The following SNX25 variants were observed in gnomAD, a reference collection of about 807,000 sequenced individuals.
SNX25 encodes the protein sorting nexin 25.
A neutral mutation model predicts 113.7 loss-of-function variants in SNX25; 62 were observed. The observed-to-expected ratio is 0.55, with a 90% confidence interval of 0.44 to 0.67. The LOEUF is 0.67. SNX25 is among the 30% of genes least tolerant of loss of function. The pLI is 0.00. For missense variants in SNX25, 1,014 were observed against 1,161.0 expected, an observed-to-expected ratio of 0.87 and a Z score of 1.84; for synonymous variants, 421 against 436.2, an observed-to-expected ratio of 0.97 and a Z score of 0.43.
At chr4:185,350,861 CAAAA>C (rs955112681) in intron 13 of SNX25, among the ~76,000 whole-genome samples, 5 of 150,838 alleles carry the variant, frequency 3.3e-5, no homozygotes, top group African/African-American at 1.2e-4. Flanking sequence ...GACTCCGTCT[CAAAA>C]AAAAAGAAAA....
At chr4:185,240,790 C>T (rs181874632) in intron 1 of SNX25, among the ~76,000 whole-genome samples, 1,855 of 151,082 alleles carry the variant, frequency 0.012, 53 homozygotes, top group East Asian at 0.11. Flanking sequence ...AGGGGCTCCT[C>T]ACTTCTCAGA....
intron 1 of SNX25, among the ~76,000 whole-genome samples, chr4:185,240,836 T>C (rs1171806378): frequency 7.7e-6 from 1 of 129,652 alleles, no homozygotes; most frequent in African/African-American, 3.0e-5. Flanking sequence ...TCCTCACTTC[T>C]CAGACGGGGC....
chr4:185,309,445 C>T (rs371710491), intron 6 of SNX25, among the ~76,000 whole-genome samples: 4 of 152,178 alleles, frequency 2.6e-5, no homozygotes, highest in Non-Finnish European at 2.9e-5. Context: ...ACATTGCAGC[C>T]GTTTTTGGAA....
rs562123355 is a variant in SNX25 at position 185,279,662 on chromosome 4, G to A, written c.1092-8350G>A. Among the ~76,000 whole-genome samples the A allele has an allele frequency of 3.3e-5, 5 of 152,252 alleles. No individual in the cohort carries two copies. The South Asian group carries it at 8.3e-4, about 25-fold the overall frequency. ...TTTTTTCTTTGCTCATAATATTGGT[G>A]AAGATTAAAAATTTGTTAACTAGCA... On this transcript the variant is annotated intron_variant, in intron 5 of 18. Coordinates refer to ENST00000652585, the MANE Select transcript of SNX25 (RefSeq NM_001378034.2).
chr4:185,351,968 G>T (rs929861885), intron 14 of SNX25, among the ~76,000 whole-genome samples: 1 of 152,144 alleles, frequency 6.6e-6, no homozygotes, highest in Admixed American at 6.5e-5. Flanking sequence ...GGAACAGGCC[G>T]GAGGTCGTTG....
At chr4:185,257,941 T>C (rs1746693077) in intron 2 of SNX25, among the ~76,000 whole-genome samples, 2 of 152,212 alleles carry the variant, frequency 1.3e-5, no homozygotes. Context: ...GAAACCACAC[T>C]GTAATTGAAC....
At chr4:185,261,431 C>A (rs1747329792) in intron 3 of SNX25, among the ~76,000 whole-genome samples, 1 of 152,122 alleles carries the variant, frequency 6.6e-6, no homozygotes, top group Non-Finnish European at 1.5e-5. Flanking sequence ...CCTGCCTCAG[C>A]CTGCCAAGGT....
chr4:185,284,387 G>C (rs964310480), intron 5 of SNX25, among the ~76,000 whole-genome samples: 3 of 152,164 alleles, frequency 2.0e-5, no homozygotes, highest in African/African-American at 7.2e-5. Flanking sequence ...AGTCATTCAG[G>C]ATTTCAGAGA....
chr4:185,349,305 A>G (rs1430323527), intron 13 of SNX25, among the ~76,000 whole-genome samples: 1 of 152,214 alleles, frequency 6.6e-6, no homozygotes, highest in Non-Finnish European at 1.5e-5. Flanking sequence ...TTCTCTATCC[A>G]GTCATCTGTT....
intron 5 of SNX25, among the ~76,000 whole-genome samples, chr4:185,268,760 C>T (rs2126553907): frequency 6.6e-6 from 1 of 152,262 alleles, no homozygotes; most frequent in Non-Finnish European, 1.5e-5. Context: ...GTAGATGGCA[C>T]TGTGTTCTTA....
At chr4:185,304,437 A>AACCTCC in intron 6 of SNX25, among the ~76,000 whole-genome samples, 1 of 152,180 alleles carries the variant, frequency 6.6e-6, no homozygotes, top group East Asian at 1.9e-4. Context: ...GGCTCACCTC[A>AACCTCC]ACCTCCACCT....
chr4:185,300,574 C>CTTCTCCGGGTCTTTTCTA lies in SNX25; in HGVS notation c.1163-10060_1163-10043dup, dbSNP rs1753520091. Among the ~76,000 whole-genome samples, 13 of 152,026 alleles carry CTTCTCCGGGTCTTTTCTA rather than the reference C, an allele frequency of 8.6e-5. No homozygotes were observed. In the South Asian group the frequency reaches 2.7e-3, roughly 32 times the overall value. ...CTAGCTAATTATGGACTCTTGTGGA[C>CTTCTCCGGGTCTTTTCTA]TTCTCCGGGTCTTTTCTAAAGTTTT... is the stretch of plus-strand genomic sequence containing the variant. On this transcript the variant is annotated intron_variant, in intron 6 of 18. Coordinates refer to ENST00000652585, the MANE Select transcript of SNX25 (RefSeq NM_001378034.2).
rs746215166 is a variant in SNX25 at position 185,264,426 on chromosome 4, CTCTT to C, written c.732-10_732-7del. On this transcript the variant is annotated splice_polypyrimidine_tract_variant and splice_region_variant and intron_variant, in intron 3 of 18. Coordinates refer to ENST00000652585, the MANE Select transcript of SNX25 (RefSeq NM_001378034.2). ...GAAACTTCTTTCCTTCTTTTTCACT[CTCTT>C]TATTTAGACATGAAGAACAGCCAAG... 1.4e-5 allele frequency: 22 copies of C among 1,606,424 alleles called. No homozygotes were observed. The highest frequency in any genetic ancestry group is 1.2e-4 in the African/African-American group (9 of 74,630).
intron 14 of SNX25, 92 bp from the exon 15 acceptor site, chr4:185,353,393 A>G (rs2126745668): frequency 1.1e-6 from 1 of 892,918 alleles, no homozygotes; most frequent in African/African-American, 1.7e-5. Context: ...ATACGAGCAG[A>G]TAGTTTGGAA....
intron 1 of SNX25, among the ~76,000 whole-genome samples, chr4:185,225,360 G>A (rs555044594): frequency 2.6e-5 from 4 of 152,228 alleles, no homozygotes; most frequent in East Asian, 1.9e-4. Flanking sequence ...TCCTGACCTC[G>A]TGATCCGCCC....
At chr4:185,260,140 G>T (rs1046890429) in intron 3 of SNX25, among the ~76,000 whole-genome samples, 3 of 151,526 alleles carry the variant, frequency 2.0e-5, no homozygotes, top group Non-Finnish European at 4.4e-5. Flanking sequence ...TTTTTTTAAC[G>T]TTTTTTTAAA....
At chr4:185,263,445 C>G (rs1466204707) in intron 3 of SNX25, among the ~76,000 whole-genome samples, 1 of 152,130 alleles carries the variant, frequency 6.6e-6, no homozygotes, top group Non-Finnish European at 1.5e-5. Flanking sequence ...AAGGCTTATT[C>G]TAAAAATTTC....
At chr4:185,217,602 T>C (rs549365717) in intron 1 of SNX25, among the ~76,000 whole-genome samples, 1 of 152,350 alleles carries the variant, frequency 6.6e-6, no homozygotes, top group Admixed American at 6.5e-5. Flanking sequence ...CTTTTGTTTT[T>C]GAAGCATACG....
At chr4:185,362,579 T>C (rs919354585) in intron 17 of SNX25, 32 bp from the exon 18 acceptor site, 70 of 1,594,990 alleles carry the variant, frequency 4.4e-5, no homozygotes, top group Middle Eastern at 1.7e-4. Context: ...ACTTTATCAA[T>C]AGCAGCATAG....
Sources: gnomAD v4.1 joint callset for allele counts (sites outside exome capture counted in the v4.1 genomes callset) on GRCh38, gnomAD v4.1.1 for gene constraint, MANE v1.5 for transcripts, NCBI Gene and HGNC (gene_info 2026-07-23, HGNC 2026-07-21) for gene names.